The following BMPER variants were observed in gnomAD, a reference collection of about 807,000 sequenced individuals.
BMPER encodes the protein BMP-binding endothelial regulator protein.
BMPER carries 45 observed loss-of-function variants against 87.3 expected under a neutral mutation model. The observed-to-expected ratio is 0.52, with a 90% CI of 0.41 to 0.66. BMPER has a LOEUF of 0.66. Ranked by LOEUF, BMPER falls within the 30% of genes least tolerant of loss-of-function variation. The pLI is 0.00. For missense variants in BMPER, 784 were observed against 867.5 expected (o/e 0.90, Z 1.21); for synonymous variants, 326 against 316.2 (o/e 1.03, Z -0.33).
intron 6 of BMPER, among the ~76,000 whole-genome samples, chr7:34,004,624 T>C (rs1365520464): frequency 1.9e-4 from 29 of 152,324 alleles, no homozygotes; most frequent in Admixed American, 1.9e-3. Flanking sequence ...CTTAAACTTA[T>C]TCTGCAAAGT....
intron 5 of BMPER, among the ~76,000 whole-genome samples, chr7:33,972,903 G>A (rs1211867572): frequency 6.6e-6 from 1 of 152,172 alleles, no homozygotes; most frequent in African/African-American, 2.4e-5. Flanking sequence ...ATTATCTTTT[G>A]TCTTATGAGG....
At chr7:34,122,677 G>T (rs1790292957) in intron 13 of BMPER, among the ~76,000 whole-genome samples, 1 of 152,286 alleles carries the variant, frequency 6.6e-6, no homozygotes, top group African/African-American at 2.4e-5. Context: ...GAGAATTTTG[G>T]TTTTGCATTG....
intron 13 of BMPER, among the ~76,000 whole-genome samples, chr7:34,116,072 A>G (rs754781822): frequency 6.6e-6 from 1 of 152,258 alleles, no homozygotes. Flanking sequence ...GATGTCCAGC[A>G]TCTTTTAATG....
intron 3 of BMPER, among the ~76,000 whole-genome samples, chr7:33,953,209 A>G (rs1488137706): frequency 6.6e-6 from 1 of 152,244 alleles, no homozygotes; most frequent in Non-Finnish European, 1.5e-5. Flanking sequence ...AAACATCTTC[A>G]AACCTCCAGA....
chr7:33,966,621 C>T, intron 4 of BMPER, 60 bp downstream of exon 4: 1 of 1,496,574 alleles, frequency 6.7e-7, no homozygotes, highest in South Asian at 1.1e-5. Flanking sequence ...TCTTTAGTCA[C>T]CCCTTCACAC....
rs1417207119 is a variant in BMPER, at chr7:34,085,811, T to C, written c.1464T>C (p.His488=). The part of the protein sequence containing the change: ...DSFVEVMAAP[H]LKGKLCGLCG... ...TTGTAGAAGTCATGGCTGCGCCGCA[T>C]CTCAAGGGCAAGCTCTGTGGTCTTT... The change falls in exon 13 of 15, where the codon CAT becomes CAC. Residue 488 remains histidine, a synonymous_variant. Transcript: ENST00000649409. The C allele has an allele frequency of 1.2e-6, 2 of 1,614,198 alleles. No homozygotes were observed. The highest frequency in any genetic ancestry group is 3.3e-5 in the Admixed American group (2 of 60,024).
At position 34,084,248 on chromosome 7, in the gene BMPER, C is replaced by T. The variant is rs556186484; in HGVS notation, c.1409-1508C>T. The stretch of plus-strand genomic sequence containing the variant: ...CCCGGGAGGTGGAGGTTGCAGTTAG[C>T]TGAGATCGCACCACTGCACTCCAGC... On this transcript the variant is annotated intron_variant, in intron 12 of 14. Coordinates refer to ENST00000649409, the MANE Select transcript of BMPER (RefSeq NM_001365308.1). Among the ~76,000 whole-genome samples, 4 of 152,310 alleles carry T rather than the reference C, an allele frequency of 2.6e-5. No individual in the cohort carries two copies. In the South Asian group the frequency reaches 8.3e-4, roughly 32 times the overall value.
At chr7:34,094,413 A>G (rs1789474494) in intron 13 of BMPER, among the ~76,000 whole-genome samples, 2 of 152,316 alleles carry the variant, frequency 1.3e-5, no homozygotes, top group African/African-American at 4.8e-5. Flanking sequence ...GGTGGGCAGG[A>G]AAAGACTGTG....
intron 8 of BMPER, among the ~76,000 whole-genome samples, chr7:34,054,322 T>C (rs1409619795): frequency 6.6e-6 from 1 of 152,124 alleles, no homozygotes; most frequent in Admixed American, 6.6e-5. Context: ...AGCAGGGAGA[T>C]CTACGGTGAA....
At position 34,155,380 on chromosome 7, in the gene BMPER, G is replaced by A. The variant is rs1309443309; in HGVS notation, c.*2107G>A. The A allele has an allele frequency of 1.3e-5, 2 of 152,042 alleles. No individual in the cohort carries two copies. Among genetic ancestry groups the A allele is most frequent in the African/African-American group, 4.8e-5 (2 of 41,394 alleles). 9.4% of individuals were successfully genotyped at this position (152,042 alleles called of 1,614,324 possible). A position where few individuals can be genotyped will look rare whatever the true frequency, so the allele number is the denominator to read the frequency against. On this transcript the variant is annotated 3_prime_UTR_variant, in exon 15 of 15. Coordinates refer to ENST00000649409, the MANE Select transcript of BMPER (RefSeq NM_001365308.1). Reference sequence around the variant, plus strand: ...TATTTATAGCTCATGATTCATCCAAGGACTGAGTTATTCTCCCCATGAGGC... The same window carrying A: ...TATTTATAGCTCATGATTCATCCAAAGACTGAGTTATTCTCCCCATGAGGC...
intron 3 of BMPER, among the ~76,000 whole-genome samples, chr7:33,962,462 T>C (rs746241103): frequency 6.6e-6 from 1 of 152,200 alleles, no homozygotes; most frequent in African/African-American, 2.4e-5. Flanking sequence ...GCAATGAAAA[T>C]GTTGAGCTGG....
At chr7:33,926,828 C>G (rs1784373094) in intron 2 of BMPER, among the ~76,000 whole-genome samples, 1 of 152,216 alleles carries the variant, frequency 6.6e-6, no homozygotes, top group African/African-American at 2.4e-5. Context: ...AGCTCCTATT[C>G]CCTTGCTTCC....
intron 13 of BMPER, among the ~76,000 whole-genome samples, chr7:34,109,735 A>G (rs1378591121): frequency 6.6e-6 from 1 of 152,244 alleles, no homozygotes; most frequent in Non-Finnish European, 1.5e-5. Flanking sequence ...CCTCCATGCC[A>G]GATGCCTGCT....
chr7:34,116,154 T>TA (rs1366305760), intron 13 of BMPER, among the ~76,000 whole-genome samples: 21 of 152,238 alleles, frequency 1.4e-4, no homozygotes, highest in African/African-American at 2.6e-4. Flanking sequence ...AAGAATGAGA[T>TA]AAAAAAATGG....
At chr7:34,136,763 T>C (rs1339030011) in intron 13 of BMPER, among the ~76,000 whole-genome samples, 2 of 152,252 alleles carry the variant, frequency 1.3e-5, no homozygotes, top group Admixed American at 1.3e-4. Flanking sequence ...TGACAAACAT[T>C]GTCCAGCTGA....
intron 6 of BMPER, among the ~76,000 whole-genome samples, chr7:33,994,450 A>G (rs376772567): frequency 2.0e-5 from 3 of 152,128 alleles, no homozygotes; most frequent in South Asian, 2.1e-4. Context: ...GCGCTTCCCA[A>G]GTGAGGCAAT....
intron 6 of BMPER, among the ~76,000 whole-genome samples, chr7:33,984,269 C>T: frequency 6.6e-6 from 1 of 152,034 alleles, no homozygotes; most frequent in Non-Finnish European, 1.5e-5. Flanking sequence ...AGTTCAAGAC[C>T]AGCCTGACCA....
chr7:33,972,686 A>G (rs1020110404), intron 5 of BMPER, among the ~76,000 whole-genome samples: 1 of 152,092 alleles, frequency 6.6e-6, no homozygotes, highest in African/African-American at 2.4e-5. Context: ...ACACCGCGAG[A>G]ATTGAGAAGC....
chr7:34,058,231 C>A, intron 10 of BMPER, 68 bp downstream of exon 10: 2 of 1,425,270 alleles, frequency 1.4e-6, no homozygotes, highest in Non-Finnish European at 9.8e-7. Flanking sequence ...GGCACAGTCG[C>A]ATGCCATCTT....
Sources: allele counts gnomAD v4.1 joint callset (sites outside exome capture counted in the v4.1 genomes callset), GRCh38; gene constraint gnomAD v4.1.1; transcripts MANE v1.5; gene names NCBI Gene and HGNC (gene_info 2026-07-23, HGNC 2026-07-21).